The following MAF variants were observed in gnomAD, a reference collection of about 807,000 sequenced individuals.
MAF encodes MAF bZIP transcription factor.
A neutral mutation model predicts 22.0 loss-of-function variants in MAF; 10 were observed. That is an observed-to-expected ratio of 0.45 (90% confidence interval 0.28 to 0.77). The LOEUF is 0.77. Among genes scored for constraint, MAF ranks in the 30% least tolerant of loss-of-function variants. The pLI, the probability that MAF is intolerant of heterozygous loss-of-function variation, is 0.12. For missense variants in MAF, 544 were observed against 548.4 expected, an observed-to-expected ratio of 0.99 and a Z score of 0.08; for synonymous variants, 337 against 255.8, an observed-to-expected ratio of 1.32 and a Z score of -3.03.
the MAF span, among the ~76,000 whole-genome samples, chr16:79,305,238 C>A: frequency 3.3e-5 from 5 of 152,270 alleles, no homozygotes; most frequent in East Asian, 5.8e-4. Flanking sequence ...TGAATAAGGC[C>A]CTGACGGTTC....
At position 79,599,240 on chromosome 16, in the gene MAF, C is replaced by G; in HGVS notation, c.663G>C (p.Pro221=). ...GGAGGAGGGG[P]ASAGGGGGGG... ...CGCCGCCGCCGCCCCCAGCGCTGGC[C>G]GGGCCACCGCCGCCCGCGCCCCCAG... is the stretch of plus-strand genomic sequence containing the variant. The change falls in exon 1 of 2, where the codon CCG becomes CCC. Residue 221 remains proline (P), a synonymous_variant. Transcript: ENST00000326043. The G allele has an allele frequency of 1.2e-5, 12 of 978,148 alleles. No homozygotes were observed. Among genetic ancestry groups the G allele is most frequent in the Non-Finnish European group, 1.5e-5 (12 of 827,150 alleles). The allele number at this position is 978,148 out of a possible 1,614,324, so 60.6% of individuals were successfully genotyped here.
the MAF span, among the ~76,000 whole-genome samples, chr16:79,490,016 T>C: frequency 2.0e-5 from 3 of 152,110 alleles, no homozygotes; most frequent in Admixed American, 2.0e-4. Flanking sequence ...AAAGCCATCA[T>C]CTCATGAGGA....
chr16:79,346,045 T>C, the MAF span, among the ~76,000 whole-genome samples: 3 of 152,156 alleles, frequency 2.0e-5, no homozygotes, highest in African/African-American at 7.2e-5. Context: ...TTTTTTTTTA[T>C]ACTTTAAGTT....
chr16:79,214,803 C>G, the MAF span, among the ~76,000 whole-genome samples: 1 of 150,056 alleles, frequency 6.7e-6, no homozygotes, highest in Middle Eastern at 3.4e-3. Context: ...ACCTCCCTCC[C>G]CGGTTCAAGC....
chr16:79,385,620 G>C, the MAF span, among the ~76,000 whole-genome samples: 1 of 152,168 alleles, frequency 6.6e-6, no homozygotes, highest in African/African-American at 2.4e-5. Context: ...CTGTTTCCTG[G>C]CTGGGTGTGG....
At chr16:79,226,778 GT>G in the MAF span, among the ~76,000 whole-genome samples, 1 of 152,032 alleles carries the variant, frequency 6.6e-6, no homozygotes, top group Non-Finnish European at 1.5e-5. Context: ...TGCTCTAATA[GT>G]TTTTAAAAAG....
chr16:79,582,358 TTAAG>T (rs199851502), downstream of MAF, among the ~76,000 whole-genome samples: 1,146 of 152,348 alleles, frequency 7.5e-3, 14 homozygotes, highest in African/African-American at 0.027. Context: ...TCATTTTGTT[TTAAG>T]TAAGTAATGA....
chr16:79,384,262 G>T, the MAF span, among the ~76,000 whole-genome samples: 10 of 151,930 alleles, frequency 6.6e-5, no homozygotes, highest in Admixed American at 1.3e-4. Flanking sequence ...TGGCCAACAT[G>T]GTGAAACCCC....
chr16:79,456,589 A>T, the MAF span, among the ~76,000 whole-genome samples: 1 of 152,180 alleles, frequency 6.6e-6, no homozygotes, highest in Admixed American at 6.5e-5. Context: ...TGGGAGAAGG[A>T]TGAGCTACTA....
chr16:79,335,355 G>A, the MAF span, among the ~76,000 whole-genome samples: 6 of 152,010 alleles, frequency 3.9e-5, no homozygotes, highest in East Asian at 1.9e-4. Context: ...TACTATGGCC[G>A]ACCAGCCTGC....
the MAF span, among the ~76,000 whole-genome samples, chr16:79,369,623 T>A: frequency 1.3e-5 from 2 of 152,230 alleles, no homozygotes; most frequent in African/African-American, 2.4e-5. Context: ...GGAGTTTGTG[T>A]CGATGGAAGC....
chr16:79,223,532 T>C, the MAF span, among the ~76,000 whole-genome samples: 4 of 152,060 alleles, frequency 2.6e-5, no homozygotes, highest in South Asian at 4.1e-4. Flanking sequence ...CTGAAGGAGA[T>C]AGAGACACAA....
the MAF span, chr16:79,211,658 G>A: frequency 1.2e-5 from 20 of 1,614,200 alleles, no homozygotes; most frequent in East Asian, 2.2e-4. Flanking sequence ...CAGAACTGGA[G>A]GGTCTGGGAG....
chr16:79,473,562 C>T, the MAF span, among the ~76,000 whole-genome samples: 2 of 152,154 alleles, frequency 1.3e-5, no homozygotes, highest in Non-Finnish European at 2.9e-5. Context: ...GACACATCTA[C>T]CAGCCTCCTA....
the MAF span, among the ~76,000 whole-genome samples, chr16:79,364,605 A>G: frequency 2.0e-5 from 3 of 152,216 alleles, no homozygotes; most frequent in Non-Finnish European, 2.9e-5. Flanking sequence ...ACTACAAATC[A>G]TGTAGCAAAA....
At chr16:79,470,160 A>G in the MAF span, among the ~76,000 whole-genome samples, 91,957 of 152,164 alleles carry the variant, frequency 0.6, 30,930 homozygotes, top group Non-Finnish European at 0.76. Context: ...GGAACATGAA[A>G]AATGTCCCAA....
the MAF span, among the ~76,000 whole-genome samples, chr16:79,277,474 T>G: frequency 6.6e-6 from 1 of 152,270 alleles, no homozygotes; most frequent in East Asian, 1.9e-4. Context: ...ATCACCAATT[T>G]CATATGCTAA....
the MAF span, among the ~76,000 whole-genome samples, chr16:79,302,141 G>T: frequency 6.6e-6 from 1 of 152,204 alleles, no homozygotes; most frequent in African/African-American, 2.4e-5. Flanking sequence ...GCCAGGCGAG[G>T]GCTGGGATCC....
the MAF span, among the ~76,000 whole-genome samples, chr16:79,432,898 C>T: frequency 6.6e-6 from 1 of 152,126 alleles, no homozygotes; most frequent in African/African-American, 2.4e-5. Context: ...ACCAACTTTG[C>T]CAGCACAGTG....
Sources: gnomAD v4.1 joint callset for allele counts (sites outside exome capture counted in the v4.1 genomes callset) on GRCh38, gnomAD v4.1.1 for gene constraint, MANE v1.5 for transcripts, NCBI Gene and HGNC (gene_info 2026-07-23, HGNC 2026-07-21) for gene names.